The following MOGAT1 variants were observed in gnomAD, a reference collection of about 807,000 sequenced individuals.
MOGAT1 encodes the protein monoacylglycerol O-acyltransferase 1.
A neutral mutation model predicts 31.4 loss-of-function variants in MOGAT1; 32 were observed. That is an observed-to-expected ratio of 1.02 (90% CI 0.77 to 1.37). MOGAT1 has a LOEUF of 1.37. Among genes scored for constraint, MOGAT1 ranks in the 40% most tolerant of loss-of-function variants. MOGAT1 has a pLI of 0.00. For missense variants in MOGAT1, 426 were observed against 402.0 expected (o/e 1.06, Z -0.51); for synonymous variants, 145 against 144.5 (o/e 1.00, Z -0.03).
At chr2:222,687,155 A>G (rs1692686879) in intron 1 of MOGAT1, among the ~76,000 whole-genome samples, 2 of 145,388 alleles carry the variant, frequency 1.4e-5, no homozygotes, top group Non-Finnish European at 3.0e-5. Flanking sequence ...AACAAGAAAG[A>G]AAGAAAAAAT....
intron 1 of MOGAT1, among the ~76,000 whole-genome samples, chr2:222,679,933 A>G (rs1254183372): frequency 6.6e-6 from 1 of 152,176 alleles, no homozygotes; most frequent in Non-Finnish European, 1.5e-5. Context: ...AGCAACCTGA[A>G]GTGACATGAC....
rs868746140 is a variant in MOGAT1 at position 222,704,556 on chromosome 2, G to A, written c.854-5180G>A. ...GGAGAGTGGCGTGAACCCGGGAGGC[G>A]GAGCTTGCAGTGAGCCGAGATCGCG... On this transcript the variant is annotated intron_variant, in intron 5 of 5. Transcript: ENST00000446656. Among the ~76,000 whole-genome samples, 12 of 152,062 alleles carry A rather than the reference G, an allele frequency of 7.9e-5. 1 individual carries two copies. In the South Asian group the frequency reaches 1.0e-3, roughly 13 times the overall value.
intron 1 of MOGAT1, among the ~76,000 whole-genome samples, chr2:222,682,816 G>A (rs1295746423): frequency 6.6e-6 from 1 of 152,110 alleles, no homozygotes; most frequent in African/African-American, 2.4e-5. Context: ...TTAAACAAAG[G>A]TCTACAAAAA....
chr2:222,701,153 G>C (rs1692911491), intron 5 of MOGAT1, among the ~76,000 whole-genome samples: 1 of 152,064 alleles, frequency 6.6e-6, no homozygotes, highest in Non-Finnish European at 1.5e-5. Flanking sequence ...CCAGCTAGTT[G>C]GGAGGAAGAG....
intron 1 of MOGAT1, among the ~76,000 whole-genome samples, chr2:222,680,945 A>T (rs898646047): frequency 6.6e-6 from 1 of 152,204 alleles, no homozygotes; most frequent in African/African-American, 2.4e-5. Flanking sequence ...GAACAATTTC[A>T]CTTATTGTAA....
At chr2:222,687,385 C>G (rs1692690618) in intron 1 of MOGAT1, among the ~76,000 whole-genome samples, 1 of 152,078 alleles carries the variant, frequency 6.6e-6, no homozygotes. Flanking sequence ...AACGGCATTC[C>G]TTAAAGTCAT....
chr2:222,695,181 A>G lies in MOGAT1; in HGVS notation c.746A>G (p.Asn249Ser), dbSNP rs190034017. The G allele has an allele frequency of 8.2e-5, 133 of 1,613,830 alleles. No homozygotes were observed. In the East Asian group the frequency reaches 3.0e-3, roughly 36 times the overall value. Reference sequence around the variant, plus strand: ...GGATCATGGATTAGAACTGTTCAGAATAAACTGCAGAAGATCATGGGGTTT... The same window carrying G: ...GGATCATGGATTAGAACTGTTCAGAGTAAACTGCAGAAGATCATGGGGTTT... ...PEGSWIRTVQ[N>S]KLQKIMGFAL... Residue 249 changes from asparagine to serine, a missense_variant, in exon 5 of 6, where the codon AAT becomes AGT. Asn to Ser is a conservative substitution (Grantham distance 46). Transcript: ENST00000446656.
chr2:222,696,053 A>G (rs1440999871), intron 5 of MOGAT1, among the ~76,000 whole-genome samples: 1 of 152,202 alleles, frequency 6.6e-6, no homozygotes, highest in Non-Finnish European at 1.5e-5. Flanking sequence ...ACTTAGAATA[A>G]TGGTTTCCAA....
At chr2:222,690,938 A>G (rs897891904) in intron 3 of MOGAT1, among the ~76,000 whole-genome samples, 3 of 152,274 alleles carry the variant, frequency 2.0e-5, no homozygotes. Context: ...ACAAAAGCAC[A>G]GAAACATATT....
At chr2:222,689,848 T>TA (rs1219913228) in intron 3 of MOGAT1, among the ~76,000 whole-genome samples, 1 of 152,252 alleles carries the variant, frequency 6.6e-6, no homozygotes, top group Non-Finnish European at 1.5e-5. Context: ...TGCATGCTGT[T>TA]ACGAATACTA....
At chr2:222,688,114 C>A (rs1011446793) in intron 1 of MOGAT1, among the ~76,000 whole-genome samples, 6 of 152,040 alleles carry the variant, frequency 3.9e-5, no homozygotes, top group African/African-American at 1.4e-4. Flanking sequence ...TGTGGCTATA[C>A]GACGATTAAA....
chr2:222,690,686 T>C (rs1231840971), intron 3 of MOGAT1, among the ~76,000 whole-genome samples: 1 of 152,198 alleles, frequency 6.6e-6, no homozygotes, highest in African/African-American at 2.4e-5. Flanking sequence ...GGTACCAGAA[T>C]TCACCGCTGA....
At chr2:222,683,538 G>A (rs1692616981) in intron 1 of MOGAT1, among the ~76,000 whole-genome samples, 1 of 151,906 alleles carries the variant, frequency 6.6e-6, no homozygotes, top group African/African-American at 2.4e-5. Flanking sequence ...GACCAGCCTG[G>A]CAAACATGGC....
At chr2:222,673,058 C>A (rs965936155) in intron 1 of MOGAT1, among the ~76,000 whole-genome samples, 1 of 151,754 alleles carries the variant, frequency 6.6e-6, no homozygotes, top group Non-Finnish European at 1.5e-5. Context: ...GGGTTACAGG[C>A]ATGTGCCACC....
chr2:222,674,930 C>CA (rs1470874052), intron 1 of MOGAT1, among the ~76,000 whole-genome samples: 2 of 152,142 alleles, frequency 1.3e-5, no homozygotes, highest in Non-Finnish European at 2.9e-5. Flanking sequence ...CTCAGCCTCC[C>CA]AAAGTAACGG....
intron 5 of MOGAT1, among the ~76,000 whole-genome samples, chr2:222,708,116 C>T (rs995785957): frequency 1.3e-5 from 2 of 152,146 alleles, no homozygotes; most frequent in Non-Finnish European, 2.9e-5. Context: ...CGGAGTCTTG[C>T]TCTGTCCCCC....
At chr2:222,684,646 G>A (rs1018961196) in intron 1 of MOGAT1, among the ~76,000 whole-genome samples, 1 of 151,648 alleles carries the variant, frequency 6.6e-6, no homozygotes, top group Non-Finnish European at 1.5e-5. Flanking sequence ...GTGCAATCTC[G>A]GCTCACTGCA....
intron 3 of MOGAT1, among the ~76,000 whole-genome samples, chr2:222,692,172 T>G (rs1467479308): frequency 1.3e-5 from 2 of 152,122 alleles, no homozygotes; most frequent in Non-Finnish European, 2.9e-5. Context: ...TGGAGACTGA[T>G]GATGGAAGCG....
At position 222,701,299 on chromosome 2, in the gene MOGAT1, G is replaced by GGGAGA. The variant is rs1553562914; in HGVS notation, c.853+6012_853+6013insGAGAG. On this transcript the variant is annotated intron_variant, in intron 5 of 5. Transcript: ENST00000446656. ...AAGAGAGAGAGAGAGAGGAGGAGGA[G>GGGAGA]GAGAGAGAGAGAGAGAGAGAGAGAG... 1.7e-4 allele frequency among the ~76,000 whole-genome samples: 15 copies of GGGAGA among 90,498 alleles called. 1 individual carries two copies. The highest frequency in any genetic ancestry group is 6.7e-4 in the African/African-American group (15 of 22,364). The allele number at this position is 90,498 out of a possible 152,430, so 59.4% of individuals were successfully genotyped here.
Sources: gnomAD v4.1 joint callset for allele counts (sites outside exome capture counted in the v4.1 genomes callset) on GRCh38, gnomAD v4.1.1 for gene constraint, MANE v1.5 for transcripts, NCBI Gene and HGNC (gene_info 2026-07-23, HGNC 2026-07-21) for gene names.